Variants in ZER1 observed in about 807,000 individuals in gnomAD.
The protein encoded by ZER1 is protein zer-1 homolog.
In ZER1, 11 loss-of-function variants were observed where a neutral mutation model predicts 78.8. The observed-to-expected ratio is 0.14, with a 90% CI of 0.09 to 0.23. The LOEUF (loss-of-function observed/expected upper bound fraction) is 0.23, where lower values mean the gene tolerates loss of function less well. Ranked by LOEUF, ZER1 falls within the 10% of genes least tolerant of loss-of-function variation. ZER1 has a pLI of 1.00. For missense variants in ZER1, 588 were observed against 996.9 expected (o/e 0.59, Z 5.52); for synonymous variants, 400 against 407.0 (o/e 0.98, Z 0.21).
At chr9:128,764,315 T>C (rs1297770152) in intron 1 of ZER1, among the ~76,000 whole-genome samples, 2 of 152,134 alleles carry the variant, frequency 1.3e-5, no homozygotes, top group Non-Finnish European at 2.9e-5. Flanking sequence ...TCTCCCTGCT[T>C]GCTGCACTCA....
At chr9:128,760,117 C>T (rs573677212) in intron 1 of ZER1, among the ~76,000 whole-genome samples, 127 of 152,262 alleles carry the variant, frequency 8.3e-4, no homozygotes, top group African/African-American at 2.4e-3. Context: ...TGGGCTCAAG[C>T]GATCCTCCCA....
rs376251095 is a variant in ZER1 at position 128,741,846 on chromosome 9, A to G, written c.1576-5T>C. The G allele has an allele frequency of 8.5e-5, 138 of 1,614,240 alleles. No individual in the cohort carries two copies. Among genetic ancestry groups the G allele is most frequent in the Non-Finnish European group, 1.1e-4 (131 of 1,180,034 alleles). ...CTGAATCAGCTTCAGCATGGTCTGC[A>G]GGCAGGGACAAGAGTCTGCTAGAGT... On this transcript the variant is annotated splice_polypyrimidine_tract_variant and splice_region_variant and intron_variant, in intron 9 of 15. Transcript: ENST00000291900.
intron 1 of ZER1, among the ~76,000 whole-genome samples, chr9:128,758,014 A>G (rs1863915911): frequency 6.6e-6 from 1 of 152,034 alleles, no homozygotes; most frequent in South Asian, 2.1e-4. Context: ...ATGGATAATT[A>G]TGGTATATTC....
rs1227836491 is a variant in ZER1 at position 128,737,559 on chromosome 9, C to G, written c.2043-2128G>C. 5.9e-5 allele frequency among the ~76,000 whole-genome samples: 9 copies of G among 152,312 alleles called. No homozygotes were observed. The South Asian group carries it at 1.9e-3, about 32-fold the overall frequency. ...GATCCATGCCTGGTGATTGGCCAGTCAGTCACAAAACAGTAGGAATTGATG... is the reference window on the plus strand; with the variant it reads ...GATCCATGCCTGGTGATTGGCCAGTGAGTCACAAAACAGTAGGAATTGATG... On this transcript the variant is annotated intron_variant, in intron 13 of 15. Transcript: ENST00000291900.
chr9:128,751,589 C>G lies in ZER1; in HGVS notation c.924-62G>C. ...CCCAGGCCTGAGCTGGGCCTCCCCA[C>G]TGGGGGTGGTGAGGCATTTCCTTGC... On this transcript the variant is annotated intron_variant, in intron 5 of 15. Coordinates refer to ENST00000291900, the MANE Select transcript of ZER1 (RefSeq NM_006336.4). This position sits in a 1 kb window ranked among gnomAD's most constrained non-coding sequence, Gnocchi z 5.4. 1 of 1,435,644 alleles carries G rather than the reference C, an allele frequency of 7.0e-7. No homozygotes were observed. Among genetic ancestry groups the G allele is most frequent in the Non-Finnish European group, 9.7e-7 (1 of 1,031,186 alleles). 88.9% of individuals were successfully genotyped at this position (1,435,644 alleles called of 1,614,324 possible). A position where few individuals can be genotyped will look rare whatever the true frequency, so the allele number is the denominator to read the frequency against.
At chr9:128,739,038 G>A (rs1345083950) in intron 13 of ZER1, among the ~76,000 whole-genome samples, 1 of 151,326 alleles carries the variant, frequency 6.6e-6, no homozygotes, top group Admixed American at 6.6e-5. Context: ...TTTTAGTAGG[G>A]ACGGGGTTTC....
At position 128,755,408 on chromosome 9, in the gene ZER1, T is replaced by C; in HGVS notation, c.158A>G (p.Glu53Gly). 6.2e-7 allele frequency: 1 copy of C among 1,613,990 alleles called. No individual in the cohort carries two copies. Among genetic ancestry groups the C allele is most frequent in the Non-Finnish European group, 8.5e-7 (1 of 1,179,974 alleles). ...CCTCCTCAGCCCTGGGTCTGCTCAC[T>C]CATTGACGAGCCGGTCACAGATCTC... ...PSEICDRLVN[E>G]YVELVNAACN... Residue 53 changes from glutamate to glycine, a missense_variant and splice_region_variant, in exon 2 of 16, where the codon GAG becomes GGG. By Grantham distance (98) the Glu-to-Gly change is moderately conservative. Transcript: ENST00000291900. The surrounding 1 kb of genome is among the most constrained non-coding windows in gnomAD (Gnocchi z 5.6).
At chr9:128,759,556 G>A (rs948401894) in intron 1 of ZER1, among the ~76,000 whole-genome samples, 2 of 151,968 alleles carry the variant, frequency 1.3e-5, no homozygotes, top group African/African-American at 4.8e-5. Context: ...AGCACTTTGG[G>A]AGGCCAAGGC....
At chr9:128,758,357 C>G (rs1025293931) in intron 1 of ZER1, among the ~76,000 whole-genome samples, 8 of 151,982 alleles carry the variant, frequency 5.3e-5, no homozygotes, top group African/African-American at 9.7e-5. Flanking sequence ...AACTCCTGAC[C>G]TCAGGTGATC....
chr9:128,764,742 C>A (rs1864153401), intron 1 of ZER1, among the ~76,000 whole-genome samples: 1 of 152,190 alleles, frequency 6.6e-6, no homozygotes, highest in African/African-American at 2.4e-5. Context: ...CTACTCCATT[C>A]CTTAGGGATT....
intron 4 of ZER1, 33 bp from the exon 5 acceptor site, chr9:128,752,882 G>T (rs751326276): frequency 1.2e-6 from 2 of 1,601,338 alleles, no homozygotes; most frequent in East Asian, 4.5e-5. Context: ...CAGGTTAGGA[G>T]CTGGGTACAG....
intron 1 of ZER1, among the ~76,000 whole-genome samples, chr9:128,770,065 T>G (rs1864335298): frequency 6.6e-6 from 1 of 152,128 alleles, no homozygotes. Flanking sequence ...GTTCTCTGAC[T>G]TTCTTGCCAA....
chr9:128,764,214 G>A (rs1864136806), intron 1 of ZER1, among the ~76,000 whole-genome samples: 1 of 152,176 alleles, frequency 6.6e-6, no homozygotes, highest in Non-Finnish European at 1.5e-5. Context: ...GCCACAAGGT[G>A]AGGTTTCAAC....
intron 8 of ZER1, among the ~76,000 whole-genome samples, chr9:128,744,576 TC>T (rs1180608270): frequency 1.3e-5 from 2 of 151,278 alleles, no homozygotes; most frequent in Non-Finnish European, 1.5e-5. Context: ...CCTCCCAGGT[TC>T]AAGTGATTCT....
At chr9:128,735,757 CCTGGTTTTTTTTTTT>C (rs1353723131) in intron 13 of ZER1, among the ~76,000 whole-genome samples, 1,329 of 77,354 alleles carry the variant, frequency 0.017, 233 homozygotes, top group African/African-American at 0.06. Context: ...GCACGTGTGA[CCTGGTTTTTTTTTTT>C]TTTTTTTTTT....
chr9:128,731,651 C>T (rs1451700269), intron 15 of ZER1, among the ~76,000 whole-genome samples: 1 of 152,226 alleles, frequency 6.6e-6, no homozygotes, highest in Non-Finnish European at 1.5e-5. Flanking sequence ...CACCCCCAGT[C>T]CCAGGGCATC....
chr9:128,770,085 C>T (rs768879077), intron 1 of ZER1, among the ~76,000 whole-genome samples: 1 of 152,068 alleles, frequency 6.6e-6, no homozygotes, highest in Non-Finnish European at 1.5e-5. Context: ...ACCACTCTTC[C>T]CTTTCTTCAA....
intron 14 of ZER1, among the ~76,000 whole-genome samples, chr9:128,734,807 T>C (rs1564390436): frequency 6.6e-6 from 1 of 152,114 alleles, no homozygotes; most frequent in Non-Finnish European, 1.5e-5. Flanking sequence ...ACCAGGTGAT[T>C]CTGGTGACCT....
At chr9:128,760,490 C>A (rs1204634409) in intron 1 of ZER1, among the ~76,000 whole-genome samples, 2 of 152,208 alleles carry the variant, frequency 1.3e-5, no homozygotes, top group Admixed American at 6.5e-5. Flanking sequence ...GCGTGAGCCA[C>A]CGCACCCAGC....
Sources: allele counts gnomAD v4.1 joint callset (sites outside exome capture counted in the v4.1 genomes callset), GRCh38; gene constraint gnomAD v4.1.1; non-coding constraint Gnocchi (gnomAD v3.1); transcripts MANE v1.5; gene names NCBI Gene and HGNC (gene_info 2026-07-23, HGNC 2026-07-21).